The following FOXN3 variants were observed in gnomAD, a reference collection of about 807,000 sequenced individuals.
The protein encoded by FOXN3 is forkhead box protein N3.
In FOXN3, 7 loss-of-function variants were observed where a neutral mutation model predicts 38.4. The observed-to-expected ratio is 0.18, with a 90% confidence interval of 0.10 to 0.34. The LOEUF (loss-of-function observed/expected upper bound fraction) is 0.34, where lower values mean the gene tolerates loss of function less well. Ranked by LOEUF, FOXN3 falls within the 10% of genes least tolerant of loss-of-function variation. The pLI, the probability that FOXN3 is intolerant of heterozygous loss-of-function variation, is 1.00. For missense variants in FOXN3, 456 were observed against 613.4 expected, an observed-to-expected ratio of 0.74 and a Z score of 2.71; for synonymous variants, 230 against 242.2, an observed-to-expected ratio of 0.95 and a Z score of 0.47.
intron 3 of FOXN3, among the ~76,000 whole-genome samples, chr14:89,318,296 T>A (rs540095909): frequency 1.3e-5 from 2 of 151,990 alleles, no homozygotes; most frequent in South Asian, 4.2e-4. Context: ...GTAGCTGGGA[T>A]TACAGGTGCC....
At chr14:89,446,653 A>G (rs1255328825) in intron 1 of FOXN3, among the ~76,000 whole-genome samples, 1 of 152,220 alleles carries the variant, frequency 6.6e-6, no homozygotes, top group Non-Finnish European at 1.5e-5. Context: ...TTCTACAACA[A>G]CAAAATTGTG....
At chr14:89,246,274 G>T (rs1057425691) in intron 4 of FOXN3, among the ~76,000 whole-genome samples, 2 of 152,124 alleles carry the variant, frequency 1.3e-5, no homozygotes, top group African/African-American at 4.8e-5. Context: ...CTGAGAACTG[G>T]TGTTTACATT....
chr14:89,247,090 TAGTC>T (rs1441110154), intron 4 of FOXN3, among the ~76,000 whole-genome samples: 1 of 151,900 alleles, frequency 6.6e-6, no homozygotes, highest in Non-Finnish European at 1.5e-5. Flanking sequence ...ACCCACCCAA[TAGTC>T]AGTCTGTCCA....
rs144597672 is a variant in FOXN3 at position 89,272,975 on chromosome 14, G to C, written c.745+7975C>G. Reference sequence around the variant, plus strand: ...AAATTGGCCTCCTATTCTTCTATGAGGGGGCTCCTGCCCCTTCCTTCTTTG... The same window carrying C: ...AAATTGGCCTCCTATTCTTCTATGACGGGGCTCCTGCCCCTTCCTTCTTTG... On this transcript the variant is annotated intron_variant, in intron 4 of 5. Transcript: ENST00000557258. 6.1e-3 allele frequency among the ~76,000 whole-genome samples: 935 copies of C among 152,298 alleles called. 8 individuals carry two copies. The highest frequency in any genetic ancestry group is 0.021 in the African/African-American group (887 of 41,556).
chr14:89,476,847 T>C (rs1356149673), intron 1 of FOXN3, among the ~76,000 whole-genome samples: 1 of 152,114 alleles, frequency 6.6e-6, no homozygotes, highest in Non-Finnish European at 1.5e-5. Flanking sequence ...ATCTTCTTTT[T>C]CATAAGAAGG....
rs534087723 is a variant in FOXN3, at chr14:89,455,456, T to C, written c.-14-42966A>G. Among the ~76,000 whole-genome samples the C allele has an allele frequency of 1.6e-3, 240 of 152,304 alleles. 2 individuals are homozygous for C. Among genetic ancestry groups the C allele is most frequent in the Admixed American group, 1.2e-3 (18 of 15,298 alleles). On this transcript the variant is annotated intron_variant, in intron 1 of 6. Coordinates refer to the FOXN3 transcript ENST00000345097. ...AAGGAAGGGGCAGATGTTATCACCA[T>C]CTAATGGGTGGGGGCAGAGATGTTA... is the stretch of plus-strand genomic sequence containing the variant.
chr14:89,403,852 T>C (rs1049515494), intron 2 of FOXN3, among the ~76,000 whole-genome samples: 3 of 152,024 alleles, frequency 2.0e-5, no homozygotes, highest in Non-Finnish European at 2.9e-5. Flanking sequence ...CAAGTCACTG[T>C]GAGGAGTAGA....
rs1893397301 is a variant in FOXN3 at position 89,484,151 on chromosome 14, C to G, written c.-14-71661G>C. 6.6e-6 allele frequency among the ~76,000 whole-genome samples: 1 copy of G among 152,184 alleles called. No homozygotes were observed. ...AACTAGAGTGTGACCAATTCGCTTT[C>G]TCACTCCAGAAAATCCCCCCTTCTG... On this transcript the variant is annotated intron_variant, in intron 1 of 6. Coordinates refer to the FOXN3 transcript ENST00000345097. The surrounding 1 kb of genome is among the most constrained non-coding windows in gnomAD (Gnocchi z 4.0).
At position 89,510,963 on chromosome 14, in the gene FOXN3, C is replaced by G. The variant is rs535329364; in HGVS notation, c.-14-98473G>C. ...ATCTCAAAGAAAAGAAAACAGTAAC[C>G]AAATTCATCACCCCCTGCCTTTTCC... On this transcript the variant is annotated intron_variant, in intron 1 of 6. Coordinates refer to the FOXN3 transcript ENST00000345097. Among the ~76,000 whole-genome samples the G allele has an allele frequency of 7.2e-5, 11 of 151,866 alleles. No homozygotes were observed. The East Asian group carries it at 1.9e-3, about 27-fold the overall frequency.
chr14:89,227,250 C>T (rs1884669479), intron 4 of FOXN3, among the ~76,000 whole-genome samples: 1 of 152,122 alleles, frequency 6.6e-6, no homozygotes, highest in South Asian at 2.1e-4. Context: ...CTGGCTGACT[C>T]CCATTTGTCC....
At chr14:89,456,662 A>G (rs567506881) in intron 1 of FOXN3, among the ~76,000 whole-genome samples, 1 of 152,316 alleles carries the variant, frequency 6.6e-6, no homozygotes, top group South Asian at 2.1e-4. Context: ...AGGCTGAGGC[A>G]TAAGAATCGC....
At chr14:89,182,055 T>A (rs1887688577) in intron 4 of FOXN3, among the ~76,000 whole-genome samples, 1 of 152,198 alleles carries the variant, frequency 6.6e-6, no homozygotes, top group South Asian at 2.1e-4. Flanking sequence ...GGGTAAATAG[T>A]GCTTTTTCAA....
intron 5 of FOXN3, among the ~76,000 whole-genome samples, chr14:89,180,368 C>T (rs942236882): frequency 3.3e-5 from 5 of 152,166 alleles, no homozygotes; most frequent in East Asian, 1.9e-4. Flanking sequence ...CTGGGTCTTG[C>T]GCTAGGCCCG....
chr14:89,554,957 T>A (rs1254217396), intron 1 of FOXN3, among the ~76,000 whole-genome samples: 1 of 151,802 alleles, frequency 6.6e-6, no homozygotes, highest in Non-Finnish European at 1.5e-5. Flanking sequence ...CCTGGCTGGT[T>A]TTTTTGTATT....
intron 1 of FOXN3, among the ~76,000 whole-genome samples, chr14:89,532,003 A>G (rs1894581243): frequency 6.6e-6 from 1 of 152,182 alleles, no homozygotes; most frequent in South Asian, 2.1e-4. Flanking sequence ...AAAGTATCAT[A>G]CCTGGACTGG....
intron 5 of FOXN3, among the ~76,000 whole-genome samples, chr14:89,173,789 G>A (rs1283669434): frequency 2.0e-5 from 3 of 152,268 alleles, no homozygotes; most frequent in African/African-American, 7.2e-5. Context: ...CCAGGAGTTC[G>A]AGATCAGCCT....
chr14:89,344,143 G>A (rs1249457214), intron 3 of FOXN3, among the ~76,000 whole-genome samples: 1 of 152,006 alleles, frequency 6.6e-6, no homozygotes, highest in East Asian at 1.9e-4. Context: ...ATCAGCAAAT[G>A]AGTCTTGTGG....
chr14:89,376,970 G>A (rs771446013), intron 2 of FOXN3, among the ~76,000 whole-genome samples: 6 of 131,146 alleles, frequency 4.6e-5, no homozygotes, highest in African/African-American at 5.7e-5. Flanking sequence ...GCAGTGAGCC[G>A]AGACTGCACC....
Position 89,162,791 on chromosome 14 carries a change from A to G in FOXN3, c.1030T>C (p.Tyr344His). 6.2e-7 allele frequency: 1 copy of G among 1,612,664 alleles called. No individual in the cohort carries two copies. ...SSSSSSADDHYEFATKGSQEG... is the reference protein window; with the variant it reads ...SSSSSSADDHHEFATKGSQEG... ...TGGCTCCCCTTGGTGGCAAACTCAT[A>G]GTGGTCGTCGGCTGAGGAGGAGGAG... The change falls in exon 6 of 6, where the codon TAT becomes CAT. Residue 344 changes from tyrosine to histidine, a missense_variant. Physicochemically the swap from Tyr to His is moderately conservative, Grantham distance 83. Coordinates refer to ENST00000557258, the MANE Select transcript of FOXN3 (RefSeq NM_005197.4). This position sits in a 1 kb window ranked among gnomAD's most constrained non-coding sequence, Gnocchi z 7.2.
Sources: gnomAD v4.1 joint callset for allele counts (sites outside exome capture counted in the v4.1 genomes callset) on GRCh38, gnomAD v4.1.1 for gene constraint, Gnocchi (gnomAD v3.1) non-coding constraint, MANE v1.5 for transcripts, NCBI Gene and HGNC (gene_info 2026-07-23, HGNC 2026-07-21) for gene names.